CA10: variants seen among roughly 807,000 people sequenced by gnomAD.
The protein encoded by CA10 is carbonic anhydrase-related protein 10.
In CA10, 14 loss-of-function variants were observed where a neutral mutation model predicts 44.2. That is an observed-to-expected ratio of 0.32 (90% confidence interval 0.21 to 0.50). CA10 has a LOEUF of 0.50. Among genes scored for constraint, CA10 ranks in the 20% least tolerant of loss-of-function variants. CA10 has a pLI of 0.99. For missense variants in CA10, 350 were observed against 409.7 expected, an observed-to-expected ratio of 0.85 and a Z score of 1.26; for synonymous variants, 159 against 141.6, an observed-to-expected ratio of 1.12 and a Z score of -0.87.
intron 2 of CA10, among the ~76,000 whole-genome samples, chr17:51,981,349 G>A (rs571334997): frequency 4.3e-4 from 66 of 151,944 alleles, no homozygotes; most frequent in Admixed American, 6.6e-4. Context: ...GAAGTAAAAA[G>A]CAAAGATCGA....
intron 2 of CA10, among the ~76,000 whole-genome samples, chr17:51,973,888 T>A (rs1251323485): frequency 6.6e-6 from 1 of 152,142 alleles, no homozygotes; most frequent in Non-Finnish European, 1.5e-5. Flanking sequence ...GGAAGTATAA[T>A]GTCAACAGAT....
intron 6 of CA10, among the ~76,000 whole-genome samples, chr17:51,644,248 T>C (rs2143248327): frequency 6.6e-6 from 1 of 152,156 alleles, no homozygotes; most frequent in African/African-American, 2.4e-5. Flanking sequence ...CTCTTCCAGC[T>C]GCCATGTTGT....
intron 1 of CA10, among the ~76,000 whole-genome samples, chr17:52,116,424 T>A (rs1262289990): frequency 6.6e-6 from 1 of 152,124 alleles, no homozygotes; most frequent in Non-Finnish European, 1.5e-5. Context: ...GCTTTGGAAC[T>A]TGAAGGCTAC....
intron 3 of CA10, among the ~76,000 whole-genome samples, chr17:51,902,078 T>C (rs1256608059): frequency 6.6e-6 from 1 of 152,172 alleles, no homozygotes; most frequent in Non-Finnish European, 1.5e-5. Flanking sequence ...TATTTTTCTC[T>C]TATAAGCCCT....
intron 6 of CA10, among the ~76,000 whole-genome samples, chr17:51,641,169 CTCT>C (rs1913071190): frequency 1.1e-4 from 2 of 19,006 alleles, no homozygotes; most frequent in African/African-American, 2.2e-4. Context: ...TCTCTCTCCT[CTCT>C]CTCTCTCTCA....
chr17:52,097,111 T>C (rs1418672094), intron 1 of CA10, among the ~76,000 whole-genome samples: 1 of 151,016 alleles, frequency 6.6e-6, no homozygotes, highest in Non-Finnish European at 1.5e-5. Context: ...GATATCCCAT[T>C]TTTAAAAAAT....
chr17:51,783,075 A>G (rs1906122780), intron 3 of CA10, among the ~76,000 whole-genome samples: 1 of 152,222 alleles, frequency 6.6e-6, no homozygotes, highest in South Asian at 2.1e-4. Context: ...CTTTTTATCT[A>G]CAATCACCCA....
intron 3 of CA10, among the ~76,000 whole-genome samples, chr17:51,911,587 A>G (rs538881683): frequency 6.6e-6 from 1 of 152,292 alleles, no homozygotes; most frequent in South Asian, 2.1e-4. Flanking sequence ...TACAAAAAGG[A>G]CAATCGAGAA....
chr17:51,794,301 A>G (rs1209106639), intron 3 of CA10, among the ~76,000 whole-genome samples: 2 of 152,232 alleles, frequency 1.3e-5, no homozygotes, highest in African/African-American at 4.8e-5. Flanking sequence ...AGAACTGGAA[A>G]GAAAGCTGCT....
chr17:51,896,611 T>C (rs1277289378), intron 3 of CA10, among the ~76,000 whole-genome samples: 1 of 152,156 alleles, frequency 6.6e-6, no homozygotes, highest in Admixed American at 6.6e-5. Context: ...AACAATGGGA[T>C]TGCTGGGTCA....
chr17:52,087,637 G>A (rs909116028), intron 1 of CA10, among the ~76,000 whole-genome samples: 4 of 152,018 alleles, frequency 2.6e-5, no homozygotes, highest in African/African-American at 9.7e-5. Flanking sequence ...AATAGCTGCC[G>A]GAATGAGTTG....
chr17:52,017,438 A>G lies in CA10; in HGVS notation c.136+54881T>C, dbSNP rs1333421573. 2.0e-5 allele frequency among the ~76,000 whole-genome samples: 3 copies of G among 152,094 alleles called. No individual in the cohort carries two copies. In the East Asian group the frequency reaches 5.8e-4, roughly 29 times the overall value. Reference sequence around the variant, plus strand: ...TTGGGATCTGGAATAAAGTTTACCCATGTTGTGTGCTAGCAAATAACTTAG... The same window carrying G: ...TTGGGATCTGGAATAAAGTTTACCCGTGTTGTGTGCTAGCAAATAACTTAG... On this transcript the variant is annotated intron_variant, in intron 2 of 8. Coordinates refer to ENST00000451037, the MANE Select transcript of CA10 (RefSeq NM_020178.5).
intron 3 of CA10, among the ~76,000 whole-genome samples, chr17:51,886,627 C>T (rs1025257325): frequency 3.3e-5 from 5 of 152,176 alleles, no homozygotes; most frequent in Admixed American, 6.5e-5. Flanking sequence ...ACTGCACTAA[C>T]GGATGCCCAG....
At chr17:51,725,187 C>A (rs757431225) in intron 4 of CA10, among the ~76,000 whole-genome samples, 28 of 152,210 alleles carry the variant, frequency 1.8e-4, no homozygotes, top group Non-Finnish European at 4.0e-4. Flanking sequence ...ACACAAGTTG[C>A]TGTGACCAGC....
intron 2 of CA10, among the ~76,000 whole-genome samples, chr17:52,016,741 T>C (rs991630048): frequency 5.9e-5 from 9 of 151,966 alleles, no homozygotes; most frequent in Admixed American, 5.3e-4. Flanking sequence ...AGTGAAACCC[T>C]GTCTCTACTA....
intron 2 of CA10, among the ~76,000 whole-genome samples, chr17:52,021,809 T>C (rs1181997275): frequency 3.3e-5 from 5 of 151,890 alleles, no homozygotes; most frequent in Non-Finnish European, 2.9e-5. Context: ...CTAGAGAAAA[T>C]GGATAAATTC....
intron 2 of CA10, among the ~76,000 whole-genome samples, chr17:51,931,656 A>G (rs1982665473): frequency 6.6e-6 from 1 of 152,170 alleles, no homozygotes. Flanking sequence ...TCAATGCCAG[A>G]CAAGAGCTTA....
rs1905170512 is a variant in CA10 at position 51,759,782 on chromosome 17, T to A, written c.280-11964A>T. ...GTTCTTCAGTGCAGTGGGGAAGGGG[T>A]ACAGTAATATAGAGTGACTTTTTTT... On this transcript the variant is annotated intron_variant, in intron 3 of 8. Transcript: ENST00000451037. 2.0e-5 allele frequency among the ~76,000 whole-genome samples: 3 copies of A among 152,086 alleles called. No homozygotes were observed. In the South Asian group the frequency reaches 6.2e-4, roughly 31 times the overall value.
At chr17:51,914,472 C>A (rs1256795244) in intron 3 of CA10, among the ~76,000 whole-genome samples, 1 of 152,114 alleles carries the variant, frequency 6.6e-6, no homozygotes, top group Non-Finnish European at 1.5e-5. Context: ...TGATTTGCCA[C>A]CTTGCCAGGG....
Sources: allele counts gnomAD v4.1 joint callset (sites outside exome capture counted in the v4.1 genomes callset), GRCh38; gene constraint gnomAD v4.1.1; transcripts MANE v1.5; gene names NCBI Gene and HGNC (gene_info 2026-07-23, HGNC 2026-07-21).